CDH4: variants seen among roughly 807,000 people sequenced by gnomAD.
CDH4 encodes the protein cadherin-4.
A neutral mutation model predicts 86.0 loss-of-function variants in CDH4; 33 were observed. The observed-to-expected ratio is 0.38, with a 90% CI of 0.29 to 0.51. CDH4 has a LOEUF of 0.51. CDH4 is among the 20% of genes least tolerant of loss of function. CDH4 has a pLI of 0.86. For synonymous variants in CDH4, 555 were observed against 549.4 expected (o/e 1.01, Z -0.14); for missense variants, 1,114 against 1,307.4 (o/e 0.85, Z 2.28).
intron 2 of CDH4, among the ~76,000 whole-genome samples, chr20:61,280,738 C>T (rs540625353): frequency 2.4e-4 from 37 of 152,310 alleles, no homozygotes; most frequent in Middle Eastern, 3.4e-3. Flanking sequence ...TCCAGCACCC[C>T]TGGGCTAACG....
intron 2 of CDH4, among the ~76,000 whole-genome samples, chr20:61,282,691 A>G (rs1002869056): frequency 6.6e-6 from 1 of 152,064 alleles, no homozygotes; most frequent in Non-Finnish European, 1.5e-5. Flanking sequence ...TGGCTGTGGG[A>G]TGTTCAGATG....
At chr20:61,383,777 A>ATG (rs2084934149) in intron 2 of CDH4, among the ~76,000 whole-genome samples, 1 of 47,352 alleles carries the variant, frequency 2.1e-5, no homozygotes, top group Non-Finnish European at 3.2e-5. Flanking sequence ...ATATATATGC[A>ATG]TATATATGAA....
chr20:61,253,798 C>G (rs1484412557), intron 1 of CDH4, among the ~76,000 whole-genome samples: 1 of 152,082 alleles, frequency 6.6e-6, no homozygotes, highest in Admixed American at 6.5e-5. Context: ...GGGCGGCCTC[C>G]GGAGTCGAAG....
intron 2 of CDH4, among the ~76,000 whole-genome samples, chr20:61,596,304 G>T (rs2086556890): frequency 6.6e-6 from 1 of 152,232 alleles, no homozygotes; most frequent in African/African-American, 2.4e-5. Context: ...GGAGAGGGTG[G>T]TGCACAATTG....
chr20:61,895,123 T>C, intron 8 of CDH4, 76 bp downstream of exon 8: 1 of 1,518,654 alleles, frequency 6.6e-7, no homozygotes, highest in South Asian at 1.2e-5. Flanking sequence ...CACAGCCTCC[T>C]CTCTCTCTGC....
Position 61,716,394 on chromosome 20 carries a change from G to A in CDH4, c.170-27169G>A, listed in dbSNP as rs577182337. Among the ~76,000 whole-genome samples the A allele has an allele frequency of 9.2e-5, 14 of 152,300 alleles. 1 individual carries two copies. The South Asian group carries it at 2.7e-3, about 29-fold the overall frequency. Reference sequence around the variant, plus strand: ...GCCTCCTCTTGGCTGGAGCTGTAAAGGGGTGGACGCTCATCACCTATGAGC... The same window carrying A: ...GCCTCCTCTTGGCTGGAGCTGTAAAAGGGTGGACGCTCATCACCTATGAGC... On this transcript the variant is annotated intron_variant, in intron 2 of 15. Transcript: ENST00000614565.
At chr20:61,793,454 A>T (rs1255673861) in intron 4 of CDH4, among the ~76,000 whole-genome samples, 1 of 152,220 alleles carries the variant, frequency 6.6e-6, no homozygotes, top group Non-Finnish European at 1.5e-5. Context: ...CTAGGGGGAT[A>T]ATAAGAGACA....
At chr20:61,666,292 G>A (rs2087323370) in intron 2 of CDH4, among the ~76,000 whole-genome samples, 1 of 152,230 alleles carries the variant, frequency 6.6e-6, no homozygotes, top group Non-Finnish European at 1.5e-5. Context: ...CTGGAGCTGG[G>A]GAGTCGGCCC....
chr20:61,395,746 T>C (rs2085013250), intron 2 of CDH4, among the ~76,000 whole-genome samples: 1 of 152,204 alleles, frequency 6.6e-6, no homozygotes, highest in Non-Finnish European at 1.5e-5. Context: ...CGTCACCGCA[T>C]TCCAGCCCGG....
At chr20:61,571,244 T>A (rs2086339577) in intron 2 of CDH4, among the ~76,000 whole-genome samples, 1 of 152,170 alleles carries the variant, frequency 6.6e-6, no homozygotes. Context: ...TGAAACAGAA[T>A]TTGGACCCTG....
intron 2 of CDH4, among the ~76,000 whole-genome samples, chr20:61,606,131 G>A (rs1020400332): frequency 3.9e-5 from 6 of 152,290 alleles, no homozygotes; most frequent in South Asian, 2.1e-4. Context: ...CGGGCTGAAC[G>A]GCAAAGAGTG....
chr20:61,811,892 G>A lies in CDH4; in HGVS notation c.577-32776G>A, dbSNP rs528304033. Among the ~76,000 whole-genome samples the A allele has an allele frequency of 3.2e-4, 48 of 152,006 alleles. No homozygotes were observed. The highest frequency in any genetic ancestry group is 6.8e-3 in the Middle Eastern group (2 of 294). On this transcript the variant is annotated intron_variant, in intron 4 of 15. Transcript: ENST00000614565. This position sits in a 1 kb window ranked among gnomAD's most constrained non-coding sequence, Gnocchi z 4.4. ...TCACCATGTTGGCCAGGCTGGTCTC[G>A]AACTCCTGACCGCAGGTGATCCACC...
intron 2 of CDH4, among the ~76,000 whole-genome samples, chr20:61,308,345 C>A (rs759313118): frequency 1.3e-5 from 2 of 152,190 alleles, no homozygotes; most frequent in African/African-American, 2.4e-5. Context: ...AGCCGCAGCG[C>A]TGAGCAGTGG....
chr20:61,924,344 C>T lies in CDH4; in HGVS notation c.1639C>T (p.Leu547=). 6.8e-6 allele frequency: 11 copies of T among 1,613,276 alleles called. No individual in the cohort carries two copies. Among genetic ancestry groups the T allele is most frequent in the Non-Finnish European group, 9.3e-6 (11 of 1,179,802 alleles). The part of the protein sequence containing the change: ...FMQQAVRYSK[L]SDPASWLHIN... The stretch of plus-strand genomic sequence containing the variant: ...TTGTGGTCTCCGCAGATACTCAAAG[C>T]TGTCAGACCCAGCGAGCTGGCTGCA... The change falls in exon 11 of 16, where the codon CTG becomes TTG. Residue 547 remains leucine, a synonymous_variant. Transcript: ENST00000614565.
At chr20:61,264,796 G>T in intron 2 of CDH4, among the ~76,000 whole-genome samples, 1 of 140,534 alleles carries the variant, frequency 7.1e-6, no homozygotes, top group Non-Finnish European at 1.5e-5. Context: ...TACCCCAGTG[G>T]CTCCTTCATT....
chr20:61,816,777 G>T (rs975207757), intron 4 of CDH4, among the ~76,000 whole-genome samples: 1 of 152,086 alleles, frequency 6.6e-6, no homozygotes, highest in Non-Finnish European at 1.5e-5. Context: ...GGCATGACCC[G>T]CTGCTGACAC....
At position 61,399,294 on chromosome 20, in the gene CDH4, G is replaced by A. The variant is rs759049763; in HGVS notation, c.169+144357G>A. Among the ~76,000 whole-genome samples, 20 of 107,278 alleles carry A rather than the reference G, an allele frequency of 1.9e-4. 4 individuals carry two copies. Among genetic ancestry groups the A allele is most frequent in the Non-Finnish European group, 2.8e-4 (15 of 53,794 alleles). The allele number at this position is 107,278 out of a possible 152,430, so 70.4% of individuals were successfully genotyped here. On this transcript the variant is annotated intron_variant, in intron 2 of 15. Coordinates refer to ENST00000614565, the MANE Select transcript of CDH4 (RefSeq NM_001794.5). The stretch of plus-strand genomic sequence containing the variant: ...ACTACAGGCGCCCGCCACCATGCCC[G>A]GCTAATTTTTTGTATTTTTAGTAGA...
chr20:61,509,970 G>A (rs544249909), intron 2 of CDH4, among the ~76,000 whole-genome samples: 4 of 152,288 alleles, frequency 2.6e-5, no homozygotes, highest in African/African-American at 9.6e-5. Context: ...TCCATATGGC[G>A]AAGGTTCTCA....
At chr20:61,683,310 A>G (rs990131941) in intron 2 of CDH4, among the ~76,000 whole-genome samples, 1 of 152,224 alleles carries the variant, frequency 6.6e-6, no homozygotes, top group Admixed American at 6.5e-5. Flanking sequence ...ATGGCAGAGA[A>G]AGAAACGATC....
Sources: allele counts gnomAD v4.1 joint callset (sites outside exome capture counted in the v4.1 genomes callset), GRCh38; gene constraint gnomAD v4.1.1; non-coding constraint Gnocchi (gnomAD v3.1); transcripts MANE v1.5; gene names NCBI Gene and HGNC (gene_info 2026-07-23, HGNC 2026-07-21).